The following CCSER1 variants were observed in gnomAD, a reference collection of about 807,000 sequenced individuals.
The protein encoded by CCSER1 is serine-rich coiled-coil domain-containing protein 1.
Under a neutral mutation model 82.0 loss-of-function variants are expected in CCSER1, and 41 were observed. The ratio of observed to expected loss-of-function variants is 0.50; its 90% CI spans 0.39 to 0.65. CCSER1 has a LOEUF of 0.65. Among genes scored for constraint, CCSER1 ranks in the 30% least tolerant of loss-of-function variants. The pLI, the probability that CCSER1 is intolerant of heterozygous loss-of-function variation, is 0.00. For missense variants in CCSER1, 1,119 were observed against 1,064.2 expected (o/e 1.05, Z -0.72); for synonymous variants, 414 against 383.9 (o/e 1.08, Z -0.92).
intron 8 of CCSER1, among the ~76,000 whole-genome samples, chr4:90,881,709 T>C (rs932950855): frequency 6.6e-6 from 1 of 152,120 alleles, no homozygotes; most frequent in African/African-American, 2.4e-5. Flanking sequence ...TGCTTGAGCC[T>C]GGGAGGCAGA....
intron 6 of CCSER1, among the ~76,000 whole-genome samples, chr4:90,714,941 A>G (rs1433963526): frequency 6.8e-6 from 1 of 147,244 alleles, no homozygotes; most frequent in Admixed American, 6.8e-5. Context: ...TATGAATGGT[A>G]GTCATTGTGG....
chr4:90,391,193 A>G (rs1390496247), intron 3 of CCSER1, among the ~76,000 whole-genome samples: 1 of 146,472 alleles, frequency 6.8e-6, no homozygotes, highest in Non-Finnish European at 1.5e-5. Context: ...GAATCTCTTG[A>G]ACCTGGGAGG....
At chr4:90,776,975 A>G (rs1752978625) in intron 7 of CCSER1, among the ~76,000 whole-genome samples, 1 of 152,170 alleles carries the variant, frequency 6.6e-6, no homozygotes, top group Non-Finnish European at 1.5e-5. Context: ...TATCTGGCAC[A>G]AGATAGGCAC....
intron 10 of CCSER1, among the ~76,000 whole-genome samples, chr4:91,099,387 A>G (rs1372907466): frequency 6.6e-6 from 1 of 152,200 alleles, no homozygotes; most frequent in Non-Finnish European, 1.5e-5. Context: ...AAAATATCTC[A>G]AAACTCAGAA....
chr4:91,055,404 T>G (rs28886882), intron 9 of CCSER1, among the ~76,000 whole-genome samples: 26,184 of 152,128 alleles, frequency 0.17, 2,344 homozygotes, highest in Admixed American at 0.23. Flanking sequence ...AGGATAATTT[T>G]TCCAGATATA....
chr4:91,059,384 C>T (rs527690794), intron 9 of CCSER1, among the ~76,000 whole-genome samples: 2 of 99,122 alleles, frequency 2.0e-5, no homozygotes, highest in Non-Finnish European at 4.5e-5. Context: ...CGCATGCACA[C>T]CTGTGTTGGT....
chr4:90,362,257 A>G (rs115490854), intron 3 of CCSER1, among the ~76,000 whole-genome samples: 1,711 of 152,238 alleles, frequency 0.011, 31 homozygotes, highest in African/African-American at 0.04. Context: ...AAATCTCACA[A>G]CCTTTACAGT....
At chr4:90,473,815 C>T (rs889274273) in intron 5 of CCSER1, among the ~76,000 whole-genome samples, 7 of 152,244 alleles carry the variant, frequency 4.6e-5, no homozygotes, top group African/African-American at 9.6e-5. Flanking sequence ...CTCCAATTTT[C>T]CTTTAACAAT....
intron 10 of CCSER1, among the ~76,000 whole-genome samples, chr4:91,166,625 A>G (rs975223610): frequency 6.6e-6 from 1 of 152,210 alleles, no homozygotes; most frequent in African/African-American, 2.4e-5. Flanking sequence ...TCAGAATAAT[A>G]TGTTTAGATA....
chr4:90,311,988 G>A (rs1735366796), intron 2 of CCSER1, among the ~76,000 whole-genome samples: 1 of 152,158 alleles, frequency 6.6e-6, no homozygotes, highest in Non-Finnish European at 1.5e-5. Context: ...TATATCAGAT[G>A]GTGATAACTG....
chr4:91,508,955 A>T (rs1759678940), intron 10 of CCSER1, among the ~76,000 whole-genome samples: 1 of 151,546 alleles, frequency 6.6e-6, no homozygotes, highest in South Asian at 2.1e-4. Flanking sequence ...CCCCTTTTTC[A>T]CTTATGATTT....
At chr4:91,402,048 C>G (rs1396926936) in intron 10 of CCSER1, among the ~76,000 whole-genome samples, 2 of 152,190 alleles carry the variant, frequency 1.3e-5, no homozygotes, top group South Asian at 2.1e-4. Flanking sequence ...TCTCCACATC[C>G]TCTCCAGCAC....
At chr4:90,829,759 T>G (rs2149816361) in intron 8 of CCSER1, among the ~76,000 whole-genome samples, 1 of 152,350 alleles carries the variant, frequency 6.6e-6, no homozygotes, top group South Asian at 2.1e-4. Flanking sequence ...AAGAGATCTT[T>G]AACCTTGATC....
chr4:90,783,867 T>C (rs575333134), intron 7 of CCSER1, among the ~76,000 whole-genome samples: 1 of 152,232 alleles, frequency 6.6e-6, no homozygotes, highest in African/African-American at 2.4e-5. Flanking sequence ...TGTAAGATTA[T>C]AGAATGTTTT....
At chr4:91,102,169 C>A (rs12511192) in intron 10 of CCSER1, among the ~76,000 whole-genome samples, 29,787 of 152,030 alleles carry the variant, frequency 0.2, 3,818 homozygotes, top group Non-Finnish European at 0.28. Context: ...TGAAAAAAAT[C>A]TGTTGATTGA....
chr4:90,893,409 C>T (rs1272190128), intron 8 of CCSER1, among the ~76,000 whole-genome samples: 1 of 151,966 alleles, frequency 6.6e-6, no homozygotes, highest in African/African-American at 2.4e-5. Context: ...ATACTTTCAC[C>T]TCACCCAGAA....
At chr4:90,737,134 T>A (rs2149427957) in intron 7 of CCSER1, among the ~76,000 whole-genome samples, 1 of 152,286 alleles carries the variant, frequency 6.6e-6, no homozygotes, top group East Asian at 1.9e-4. Flanking sequence ...CTACCCAAGT[T>A]ATGAGTTTAT....
chr4:91,365,516 A>T (rs1188875004), intron 10 of CCSER1, among the ~76,000 whole-genome samples: 1 of 152,228 alleles, frequency 6.6e-6, no homozygotes, highest in Non-Finnish European at 1.5e-5. Context: ...TGAAGTAATT[A>T]GTGTGTTTTG....
At chr4:91,369,231 G>A (rs1257066284) in intron 10 of CCSER1, among the ~76,000 whole-genome samples, 5 of 152,104 alleles carry the variant, frequency 3.3e-5, no homozygotes, top group Non-Finnish European at 5.9e-5. Flanking sequence ...CCTCTGCTTT[G>A]ACCATGGACT....
Sources: allele counts gnomAD v4.1 joint callset (sites outside exome capture counted in the v4.1 genomes callset), GRCh38; gene constraint gnomAD v4.1.1; transcripts MANE v1.5; gene names NCBI Gene and HGNC (gene_info 2026-07-23, HGNC 2026-07-21).